The following KIRREL3 variants were observed in gnomAD, a reference collection of about 807,000 sequenced individuals.
KIRREL3 encodes the protein kin of IRRE-like protein 3.
A neutral mutation model predicts 89.7 loss-of-function variants in KIRREL3; 36 were observed. That is an observed-to-expected ratio of 0.40 (90% CI 0.31 to 0.53). The LOEUF is 0.53. Ranked by LOEUF, KIRREL3 falls within the 20% of genes least tolerant of loss-of-function variation. The pLI is 0.49. For synonymous variants in KIRREL3, 445 were observed against 441.4 expected, an observed-to-expected ratio of 1.01 and a Z score of -0.10; for missense variants, 864 against 1,056.6, an observed-to-expected ratio of 0.82 and a Z score of 2.53.
At chr11:126,960,971 C>T (rs1381446710) in intron 1 of KIRREL3, among the ~76,000 whole-genome samples, 2 of 152,078 alleles carry the variant, frequency 1.3e-5, no homozygotes, top group Non-Finnish European at 2.9e-5. Context: ...GATCAGTGAT[C>T]TTTGATGTTA....
intron 1 of KIRREL3, among the ~76,000 whole-genome samples, chr11:126,928,995 A>G (rs1947830003): frequency 6.6e-6 from 1 of 151,602 alleles, no homozygotes. Flanking sequence ...AGAGTAAAAG[A>G]AAAGAGAGAG....
chr11:126,782,181 A>C lies in KIRREL3; in HGVS notation c.55+218274T>G, dbSNP rs1950345708. 6.6e-6 allele frequency among the ~76,000 whole-genome samples: 1 copy of C among 152,194 alleles called. No individual in the cohort carries two copies. The highest frequency in any genetic ancestry group is 2.1e-4 in the South Asian group (1 of 4,820). On this transcript the variant is annotated intron_variant, in intron 1 of 16. Transcript: ENST00000525144. This position sits in a 1 kb window ranked among gnomAD's most constrained non-coding sequence, Gnocchi z 4.1. ...TTAAAAGAGTCCTGTGTGATCTTTC[A>C]GCCCCTCTTCCCTCCCGTCCCTACT... is the stretch of plus-strand genomic sequence containing the variant.
chr11:127,001,932 C>T (rs74391809), upstream of KIRREL3, among the ~76,000 whole-genome samples: 225 of 152,176 alleles, frequency 1.5e-3, no homozygotes, highest in African/African-American at 5.2e-3. Context: ...AAATGAAAGA[C>T]GCTCCCCTGA....
chr11:126,839,195 C>A (rs1943878416), intron 1 of KIRREL3, among the ~76,000 whole-genome samples: 1 of 152,172 alleles, frequency 6.6e-6, no homozygotes, highest in African/African-American at 2.4e-5. Flanking sequence ...TCAAGATCAT[C>A]AACATGTATT....
At position 126,537,827 on chromosome 11, in the gene KIRREL3, A is replaced by G. The variant is rs1938026031; in HGVS notation, c.134-11140T>C. Among the ~76,000 whole-genome samples, 1 of 152,376 alleles carries G rather than the reference A, an allele frequency of 6.6e-6. No homozygotes were observed. Among genetic ancestry groups the G allele is most frequent in the East Asian group, 1.9e-4 (1 of 5,192 alleles). The stretch of plus-strand genomic sequence containing the variant: ...ACAAAGGGTCATTCTTACTTTCGTC[A>G]CTATCCACAAGTCTTTCCTGAGCTT... On this transcript the variant is annotated intron_variant, in intron 2 of 16. Coordinates refer to ENST00000525144, the MANE Select transcript of KIRREL3 (RefSeq NM_032531.4). The surrounding 1 kb of genome is among the most constrained non-coding windows in gnomAD (Gnocchi z 4.3).
At chr11:126,453,964 A>G (rs1406864953) in intron 7 of KIRREL3, among the ~76,000 whole-genome samples, 1 of 152,148 alleles carries the variant, frequency 6.6e-6, no homozygotes, top group Non-Finnish European at 1.5e-5. Context: ...GGGAGGACCC[A>G]CAGGCCACCT....
At position 126,710,837 on chromosome 11, in the gene KIRREL3, G is replaced by A. The variant is rs537371578; in HGVS notation, c.56-147925C>T. Reference sequence around the variant, plus strand: ...CTGCCACAAACACAAATCTTATTTGGGAGTTGCTAAAACTCAGTAAATATC... The same window carrying A: ...CTGCCACAAACACAAATCTTATTTGAGAGTTGCTAAAACTCAGTAAATATC... On this transcript the variant is annotated intron_variant, in intron 1 of 16. Coordinates refer to ENST00000525144, the MANE Select transcript of KIRREL3 (RefSeq NM_032531.4). This position sits in a 1 kb window ranked among gnomAD's most constrained non-coding sequence, Gnocchi z 4.2. Among the ~76,000 whole-genome samples, 23 of 152,230 alleles carry A rather than the reference G, an allele frequency of 1.5e-4. No individual in the cohort carries two copies. In the East Asian group the frequency reaches 4.4e-3, roughly 29 times the overall value.
At chr11:126,657,751 T>A (rs950758467) in intron 1 of KIRREL3, among the ~76,000 whole-genome samples, 7 of 152,336 alleles carry the variant, frequency 4.6e-5, no homozygotes, top group Non-Finnish European at 7.4e-5. Flanking sequence ...CAACTCTGAT[T>A]GTGTCCATGT....
chr11:126,972,168 T>TAGAGAGAGAAAGAGAG lies in KIRREL3; in HGVS notation c.55+28286_55+28287insCTCTCTTTCTCTCTCT, dbSNP rs1555110560. On this transcript the variant is annotated intron_variant, in intron 1 of 16. Transcript: ENST00000525144. ...CTGGTGCCTATGCAAGAGGGTCTGG[T>TAGAGAGAGAAAGAGAG]AGAGAGAGAGAGAGAGAGAGAGAGA... Among the ~76,000 whole-genome samples the TAGAGAGAGAAAGAGAG allele has an allele frequency of 2.5e-5, 3 of 119,918 alleles. No homozygotes were observed. In the Admixed American group the frequency reaches 2.6e-4, roughly 10 times the overall value. 78.7% of individuals were successfully genotyped at this position (119,918 alleles called of 152,430 possible). A position where few individuals can be genotyped will look rare whatever the true frequency, so the allele number is the denominator to read the frequency against.
chr11:126,873,765 C>G (rs903187035), intron 1 of KIRREL3, among the ~76,000 whole-genome samples: 3 of 152,202 alleles, frequency 2.0e-5, no homozygotes, highest in African/African-American at 4.8e-5. Flanking sequence ...CACTGAGCAA[C>G]AGTATCCCTC....
chr11:126,648,224 A>C (rs963340221), intron 1 of KIRREL3, among the ~76,000 whole-genome samples: 1 of 152,212 alleles, frequency 6.6e-6, no homozygotes, highest in Non-Finnish European at 1.5e-5. Context: ...GCCTGCCTAC[A>C]GAACCGTGAG....
intron 8 of KIRREL3, among the ~76,000 whole-genome samples, chr11:126,448,099 A>G (rs1403356783): frequency 6.6e-6 from 1 of 152,048 alleles, no homozygotes; most frequent in Non-Finnish European, 1.5e-5. Context: ...ATCCTGGCCA[A>G]CATGGTGAAA....
chr11:126,777,975 G>A (rs1950216019), intron 1 of KIRREL3, among the ~76,000 whole-genome samples: 1 of 151,436 alleles, frequency 6.6e-6, no homozygotes, highest in South Asian at 2.1e-4. Context: ...CTGCTGCATG[G>A]TTGCAAGGAC....
intron 12 of KIRREL3, among the ~76,000 whole-genome samples, chr11:126,436,279 C>T (rs1254766754): frequency 1.3e-5 from 2 of 152,198 alleles, no homozygotes; most frequent in Non-Finnish European, 2.9e-5. Flanking sequence ...GGGATCTGGA[C>T]AAGCAAGCCT....
Position 126,954,572 on chromosome 11 carries a change from C to A in KIRREL3, c.55+45883G>T, listed in dbSNP as rs773885421. 2.6e-4 allele frequency among the ~76,000 whole-genome samples: 39 copies of A among 151,980 alleles called. No homozygotes were observed. Among genetic ancestry groups the A allele is most frequent in the Non-Finnish European group, 1.3e-4 (9 of 67,992 alleles). On this transcript the variant is annotated intron_variant, in intron 1 of 16. Coordinates refer to ENST00000525144, the MANE Select transcript of KIRREL3 (RefSeq NM_032531.4). This position sits in a 1 kb window ranked among gnomAD's most constrained non-coding sequence, Gnocchi z 4.1. Reference sequence around the variant, plus strand: ...TGGGTAGAACAGATGGCCCAGAAAGCGCAAACCCACCTTGTCTGTGATGAA... The same window carrying A: ...TGGGTAGAACAGATGGCCCAGAAAGAGCAAACCCACCTTGTCTGTGATGAA...
intron 2 of KIRREL3, among the ~76,000 whole-genome samples, chr11:126,560,614 C>A (rs73635306): frequency 2.6e-3 from 397 of 152,224 alleles, no homozygotes; most frequent in African/African-American, 9.0e-3. Flanking sequence ...AAAAGGACAC[C>A]AAATTAACAG....
intron 1 of KIRREL3, among the ~76,000 whole-genome samples, chr11:126,945,706 G>A (rs185402966): frequency 3.0e-4 from 46 of 152,044 alleles, no homozygotes; most frequent in Non-Finnish European, 5.4e-4. Flanking sequence ...CCTTATAATG[G>A]CGGGAAAAGA....
In KIRREL3 at chr11:126,724,015, G is replaced by A. The variant is rs1334639225; in HGVS notation, c.56-161103C>T. 6.6e-6 allele frequency among the ~76,000 whole-genome samples: 1 copy of A among 152,118 alleles called. No individual in the cohort carries two copies. Among genetic ancestry groups the A allele is most frequent in the Non-Finnish European group, 1.5e-5 (1 of 68,008 alleles). ...TAAAAGAAGTGTAGGCAGCTCCAAG[G>A]CCACACATGAAAAGAGAAATGCTGA... On this transcript the variant is annotated intron_variant, in intron 1 of 16. Transcript: ENST00000525144. The surrounding 1 kb of genome is among the most constrained non-coding windows in gnomAD (Gnocchi z 4.3).
At chr11:126,458,848 C>G (rs1211838585) in intron 6 of KIRREL3, among the ~76,000 whole-genome samples, 2 of 152,210 alleles carry the variant, frequency 1.3e-5, no homozygotes, top group Non-Finnish European at 2.9e-5. Context: ...CACGAGAACG[C>G]TCCTCCCACC....
Sources: allele counts gnomAD v4.1 joint callset (sites outside exome capture counted in the v4.1 genomes callset), GRCh38; gene constraint gnomAD v4.1.1; non-coding constraint Gnocchi (gnomAD v3.1); transcripts MANE v1.5; gene names NCBI Gene and HGNC (gene_info 2026-07-23, HGNC 2026-07-21).